The following ZNF688 variants were observed in gnomAD, a reference collection of about 807,000 sequenced individuals.
ZNF688 encodes zinc finger protein 688.
ZNF688 carries 10 observed loss-of-function variants against 13.2 expected under a neutral mutation model. The ratio of observed to expected loss-of-function variants is 0.76; its 90% CI spans 0.47 to 1.28. The LOEUF (loss-of-function observed/expected upper bound fraction) is 1.28. Ranked by LOEUF, ZNF688 falls within the 50% of genes most tolerant of loss-of-function variation. The probability of loss-of-function intolerance (pLI) is 0.00; values close to 1 mark genes in which losing one functional copy is unlikely to be tolerated. For missense variants in ZNF688, 381 were observed against 391.4 expected, an observed-to-expected ratio of 0.97 and a Z score of 0.22; for synonymous variants, 160 against 159.4, an observed-to-expected ratio of 1.00 and a Z score of -0.03.
chr16:30,571,759 C>T (rs901236190), upstream of ZNF688: 16 of 1,335,036 alleles, frequency 1.2e-5, no homozygotes, highest in East Asian at 4.9e-4. Flanking sequence ...GCAGCCGAGG[C>T]AACCGAAGTA....
chr16:30,570,722 A>ATCAT (rs1555512559), intron 2 of ZNF688: 1 of 297,984 alleles, frequency 3.4e-6, no homozygotes, highest in Non-Finnish European at 5.9e-6. Context: ...AGCAGGGGCT[A>ATCAT]TTATTTATTT....
At chr16:30,572,247 A>G (rs1189436571), upstream of ZNF688, 1 of 1,575,266 alleles carries the variant, frequency 6.3e-7, no homozygotes, top group Non-Finnish European at 8.6e-7. Context: ...CTCTGTTGAC[A>G]GACTGGAGCG....
chr16:30,570,745 A>ATTTATTTC (rs1295583839), intron 2 of ZNF688: 38 of 311,842 alleles, frequency 1.2e-4, no homozygotes, highest in Middle Eastern at 8.6e-4. Context: ...TTATTTATTT[A>ATTTATTTC]TTTATTTATT....
intron 1 of ZNF688, 147 bp downstream of exon 1, chr16:30,571,287 G>A (rs1162728605): frequency 6.5e-7 from 1 of 1,538,044 alleles, no homozygotes; most frequent in Admixed American, 2.0e-5. Flanking sequence ...ACTCCCGAGG[G>A]GGTACCTGAA....
chr16:30,571,610 G>T lies in ZNF688; in HGVS notation c.20C>A (p.Pro7Gln), dbSNP rs766999646. 2.7e-6 allele frequency: 4 copies of T among 1,491,930 alleles called. No homozygotes were observed. Among genetic ancestry groups the T allele is most frequent in the Non-Finnish European group, 3.6e-6 (4 of 1,123,712 alleles). The allele number at this position is 1,491,930 out of a possible 1,614,324, so 92.4% of individuals were successfully genotyped here. The stretch of plus-strand genomic sequence containing the variant: ...CTCCCCGGGCCTCGGCGCCAGGAGC[G>T]GGGCTGGGGGCGGCGCCATGGGGCC... Reference protein sequence around the residue: MAPPPAPLLAPRPGETR... With the variant: MAPPPAQLLAPRPGETR... The change falls in exon 1 of 3, where the codon CCG (proline) becomes CAG (glutamine). Residue 7 changes from proline to glutamine, a missense_variant. By Grantham distance (76) the Pro-to-Gln change is moderately conservative (BLOSUM62 -1). Transcript: ENST00000223459.
chr16:30,572,108 G>A (rs1206585504), upstream of ZNF688: 11 of 1,564,560 alleles, frequency 7.0e-6, no homozygotes, highest in Non-Finnish European at 4.3e-6. Context: ...GTAAGGGCCC[G>A]AAGCTTCACT....
Position 30,571,642 on chromosome 16 carries a change from C to G in ZNF688, c.-13G>C. ...GGGGCGGCGCCATGGGGCCTCGCAG[C>G]CCCGATCGGCGGCCGCCAGGTCCCT... On this transcript the variant is annotated 5_prime_UTR_variant, in exon 1 of 3. Transcript: ENST00000223459. The G allele has an allele frequency of 1.4e-6, 2 of 1,392,028 alleles. No homozygotes were observed. The highest frequency in any genetic ancestry group is 1.9e-6 in the Non-Finnish European group (2 of 1,076,904). 86.2% of individuals were successfully genotyped at this position (1,392,028 alleles called of 1,614,324 possible).
chr16:30,577,881 G>A, the ZNF688 span, among the ~76,000 whole-genome samples: 1 of 151,594 alleles, frequency 6.6e-6, no homozygotes, highest in African/African-American at 2.4e-5. Flanking sequence ...TGTTGGCCAG[G>A]CTGGTCTCAA....
upstream of ZNF688, among the ~76,000 whole-genome samples, chr16:30,576,072 C>CAG (rs147231527): frequency 0.019 from 2,835 of 152,174 alleles, 88 homozygotes; most frequent in African/African-American, 0.063. Flanking sequence ...GTTTTTGAGT[C>CAG]AGTCTCGCTC....
upstream of ZNF688, among the ~76,000 whole-genome samples, chr16:30,575,213 T>G (rs2151233383): frequency 6.6e-6 from 1 of 152,184 alleles, no homozygotes; most frequent in South Asian, 2.1e-4. Flanking sequence ...TTGGATAAAT[T>G]CCAGGTAGTG....
rs999114729 is a variant in ZNF688 at position 30,571,358 on chromosome 16, G to C, written c.196+76C>G. On this transcript the variant is annotated intron_variant, in intron 1 of 2. Coordinates refer to ENST00000223459, the MANE Select transcript of ZNF688 (RefSeq NM_145271.4). ...CAAGAGTGCGGGATTAGGGCTCACA[G>C]TCCTCTCGGCCCTTCTACATCATCT... is the stretch of plus-strand genomic sequence containing the variant. 3.9e-6 allele frequency: 6 copies of C among 1,535,234 alleles called. No homozygotes were observed. The African/African-American group carries it at 8.2e-5, about 21-fold the overall frequency.
chr16:30,571,648 T>TCGGCGGCCGCCAGGTCCCTGGAG lies in ZNF688; in HGVS notation c.-42_-20dup. The TCGGCGGCCGCCAGGTCCCTGGAG allele has an allele frequency of 7.9e-6, 11 of 1,383,818 alleles. No homozygotes were observed. Among genetic ancestry groups the TCGGCGGCCGCCAGGTCCCTGGAG allele is most frequent in the Non-Finnish European group, 1.0e-5 (11 of 1,072,344 alleles). The allele number at this position is 1,383,818 out of a possible 1,614,324, so 85.7% of individuals were successfully genotyped here. A position where few individuals can be genotyped will look rare whatever the true frequency, so the allele number is the denominator to read the frequency against. On this transcript the variant is annotated 5_prime_UTR_variant, in exon 1 of 3. Transcript: ENST00000223459. ...GCGCCATGGGGCCTCGCAGCCCCGA[T>TCGGCGGCCGCCAGGTCCCTGGAG]CGGCGGCCGCCAGGTCCCTGGAGCC...
upstream of ZNF688, among the ~76,000 whole-genome samples, chr16:30,577,715 C>G (rs1482100368): frequency 6.7e-6 from 1 of 148,738 alleles, no homozygotes; most frequent in Non-Finnish European, 1.5e-5. Context: ...CAGAGTCTCA[C>G]TCTGTGGCCA....
At chr16:30,577,331 A>C (rs1239057343), upstream of ZNF688, among the ~76,000 whole-genome samples, 2 of 152,166 alleles carry the variant, frequency 1.3e-5, no homozygotes, top group Non-Finnish European at 2.9e-5. Context: ...AGAAGACTTA[A>C]GAAGATGAAG....
At chr16:30,572,507 G>T, upstream of ZNF688, 1 of 414,594 alleles carries the variant, frequency 2.4e-6, no homozygotes, top group Non-Finnish European at 4.2e-6. Context: ...TGCAGGCGAA[G>T]GAACGTGCTT....
chr16:30,570,114 G>A lies in ZNF688; in HGVS notation c.633C>T (p.Phe211=), dbSNP rs2051646946. 6.2e-7 allele frequency: 1 copy of A among 1,611,412 alleles called. No individual in the cohort carries two copies. Among genetic ancestry groups the A allele is most frequent in the African/African-American group, 1.3e-5 (1 of 74,904 alleles). The change falls in exon 3 of 3, where the codon TTC becomes TTT. Residue 211 remains phenylalanine, a synonymous_variant. Transcript: ENST00000223459. ...AGCGCATGCCACACTCGGGGCAGGG[G>A]AAAGGCCGCTCCCCCGAGTGCATGC... ...HRRMHSGERP[F]PCPECGMRFK...
chr16:30,574,544 T>TAAAA (rs201994070), upstream of ZNF688, among the ~76,000 whole-genome samples: 16 of 135,384 alleles, frequency 1.2e-4, no homozygotes, highest in African/African-American at 4.3e-4. Flanking sequence ...AGACTCCATC[T>TAAAA]AAAAAAAAAA....
chr16:30,573,873 G>A (rs1395430970), upstream of ZNF688: 3 of 390,036 alleles, frequency 7.7e-6, no homozygotes, highest in African/African-American at 2.1e-5. Flanking sequence ...CTGCCTCACT[G>A]CACTCCATGT....
chr16:30,572,146 G>A (rs1274648130), upstream of ZNF688: 36 of 1,602,330 alleles, frequency 2.2e-5, no homozygotes, highest in East Asian at 4.6e-5. Context: ...AATACGCAAC[G>A]GCCGATGATT....
Sources: gnomAD v4.1 joint callset for allele counts (sites outside exome capture counted in the v4.1 genomes callset) on GRCh38, gnomAD v4.1.1 for gene constraint, MANE v1.5 for transcripts, NCBI Gene and HGNC (gene_info 2026-07-23, HGNC 2026-07-21) for gene names.